The following CPSF7 variants were observed in gnomAD, a reference collection of about 807,000 sequenced individuals.
The protein encoded by CPSF7 is cleavage and polyadenylation specificity factor subunit 7.
In CPSF7, 1 loss-of-function variant was observed where a neutral mutation model predicts 44.3. The ratio of observed to expected loss-of-function variants is 0.02; its 90% confidence interval spans 0.01 to 0.11. The LOEUF is 0.11. Among genes scored for constraint, CPSF7 ranks in the 10% least tolerant of loss-of-function variants. The pLI, the probability that CPSF7 is intolerant of heterozygous loss-of-function variation, is 1.00. For missense variants in CPSF7, 443 were observed against 607.2 expected, an observed-to-expected ratio of 0.73 and a Z score of 2.84; for synonymous variants, 202 against 222.0, an observed-to-expected ratio of 0.91 and a Z score of 0.80.
At chr11:61,405,205 C>CGGG (rs1565096219) in intron 9 of CPSF7, among the ~76,000 whole-genome samples, 2 of 152,174 alleles carry the variant, frequency 1.3e-5, no homozygotes, top group African/African-American at 4.8e-5. Context: ...AATCCCCAAA[C>CGGG]ACCCAAGAGG....
chr11:61,405,680 G>A (rs917567601), intron 9 of CPSF7, among the ~76,000 whole-genome samples: 1 of 152,126 alleles, frequency 6.6e-6, no homozygotes, highest in African/African-American at 2.4e-5. Flanking sequence ...TGCCCAAACT[G>A]GCAACACAGC....
chr11:61,425,483 G>C (rs1861264111), intron 2 of CPSF7, among the ~76,000 whole-genome samples: 1 of 152,128 alleles, frequency 6.6e-6, no homozygotes, highest in South Asian at 2.1e-4. Context: ...TAATGGCACA[G>C]AAAGAACTGT....
intron 7 of CPSF7, among the ~76,000 whole-genome samples, chr11:61,415,169 T>C (rs1164625422): frequency 1.3e-5 from 2 of 152,040 alleles, no homozygotes; most frequent in Non-Finnish European, 2.9e-5. Flanking sequence ...AACCAGGAGG[T>C]GGAGGCTGTA....
chr11:61,421,262 T>C, intron 3 of CPSF7, 128 bp downstream of exon 3: 2 of 1,035,882 alleles, frequency 1.9e-6, no homozygotes, highest in Non-Finnish European at 2.9e-6. Flanking sequence ...TCCAACCTGA[T>C]CCCAGGAAAA....
At chr11:61,419,769 A>G (rs1860688980) in intron 5 of CPSF7, among the ~76,000 whole-genome samples, 180 bp downstream of exon 5, 1 of 152,198 alleles carries the variant, frequency 6.6e-6, no homozygotes, top group Admixed American at 6.5e-5. Context: ...TCTTTCTTCT[A>G]TATAGACCTA....
rs2135434589 is a variant in CPSF7, at chr11:61,429,958, G to GCGCGCGAAC, written c.-109_-101dup. 1 of 1,334,924 alleles carries GCGCGCGAAC rather than the reference G, an allele frequency of 7.5e-7. No homozygotes were observed. The allele number at this position is 1,334,924 out of a possible 1,614,324, so 82.7% of individuals were successfully genotyped here. ...GCGGCGAGTCCGGACTAGGCCCGAA[G>GCGCGCGAAC]CGCGCGAACCGCTCTCCGCCCCAGG... is the stretch of plus-strand genomic sequence containing the variant. On this transcript the variant is annotated 5_prime_UTR_variant, in exon 1 of 10. Coordinates refer to ENST00000439958, the MANE Select transcript of CPSF7 (RefSeq NM_001142565.3).
At chr11:61,419,902 T>A in intron 5 of CPSF7, 47 bp downstream of exon 5, 17 of 1,523,226 alleles carry the variant, frequency 1.1e-5, no homozygotes, top group Non-Finnish European at 1.5e-5. Flanking sequence ...CCCCCCCTCA[T>A]ACAGATGGTC....
At chr11:61,424,220 G>A (rs529715815) in intron 2 of CPSF7, among the ~76,000 whole-genome samples, 1 of 152,280 alleles carries the variant, frequency 6.6e-6, no homozygotes, top group South Asian at 2.1e-4. Flanking sequence ...ATAAAGTAAG[G>A]TGAGGTCAGC....
intron 9 of CPSF7, 31 bp from the exon 10 acceptor site, chr11:61,404,735 A>C (rs1859147660): frequency 6.6e-6 from 1 of 152,260 alleles, no homozygotes; most frequent in South Asian, 2.1e-4. Flanking sequence ...GAAAAGAAAG[A>C]AAACACAAGT....
chr11:61,413,611 G>A (rs958654974), intron 7 of CPSF7, among the ~76,000 whole-genome samples: 4 of 149,038 alleles, frequency 2.7e-5, no homozygotes, highest in African/African-American at 1.0e-4. Flanking sequence ...TCCAGCTTGG[G>A]CAATAGAGCC....
intron 9 of CPSF7, among the ~76,000 whole-genome samples, chr11:61,407,791 C>T (rs988390053): frequency 7.2e-5 from 11 of 152,238 alleles, no homozygotes; most frequent in Admixed American, 2.6e-4. Context: ...GGCCAAAGAA[C>T]AAGACAGAGG....
At chr11:61,420,433 T>C in intron 4 of CPSF7, 37 bp downstream of exon 4, 2 of 1,529,016 alleles carry the variant, frequency 1.3e-6, no homozygotes, top group Non-Finnish European at 1.8e-6. Flanking sequence ...TCCCAATGGT[T>C]ACAAATTAAA....
At chr11:61,412,278 G>C (rs1859919587) in intron 7 of CPSF7, among the ~76,000 whole-genome samples, 1 of 151,520 alleles carries the variant, frequency 6.6e-6, no homozygotes, top group African/African-American at 2.4e-5. Context: ...CAGTGTTTTA[G>C]TGTTTATTTT....
chr11:61,420,021 T>C lies in CPSF7; in HGVS notation c.451A>G (p.Asn151Asp), dbSNP rs199690496. ...GGCCTCACGTCCACTTTTTCTCCAT[T>C]AAGAACTTTCCCTGGTAGGAGTTCC... is the stretch of plus-strand genomic sequence containing the variant. ...LLELLPGKVLNGEKVDVRPAT... is the reference protein window; with the variant it reads ...LLELLPGKVLDGEKVDVRPAT... The change falls in exon 5 of 10, where the codon AAT becomes GAT. Residue 151 changes from asparagine (N) to aspartate (D), a missense_variant. Coordinates refer to ENST00000439958, the MANE Select transcript of CPSF7 (RefSeq NM_001142565.3). 23 of 1,614,172 alleles carry C rather than the reference T, an allele frequency of 1.4e-5. No homozygotes were observed. Among genetic ancestry groups the C allele is most frequent in the Non-Finnish European group, 9.3e-6 (11 of 1,179,980 alleles).
intron 7 of CPSF7, among the ~76,000 whole-genome samples, chr11:61,412,981 G>T (rs1432506006): frequency 1.3e-5 from 2 of 152,138 alleles, no homozygotes; most frequent in Non-Finnish European, 2.9e-5. Flanking sequence ...TTTGAGATGG[G>T]TCTTGTTTTA....
intron 2 of CPSF7, chr11:61,427,169 T>G (rs1404084417): frequency 6.8e-6 from 1 of 146,726 alleles, no homozygotes. Context: ...GAGGCTGAAG[T>G]GGGAGAATCG....
Position 61,415,745 on chromosome 11 carries a change from G to C in CPSF7, c.978C>G (p.Ala326=), listed in dbSNP as rs149166727. 21 of 1,613,970 alleles carry C rather than the reference G, an allele frequency of 1.3e-5. No individual in the cohort carries two copies. The highest frequency in any genetic ancestry group is 1.7e-5 in the Non-Finnish European group (20 of 1,179,964). ...TTCGCTTCATGATATCTTCAAATTCGGCTTCACTCACTGTAGAGGGTGGAG... is the reference window on the plus strand; with the variant it reads ...TTCGCTTCATGATATCTTCAAATTCCGCTTCACTCACTGTAGAGGGTGGAG... ...SGPPPSTVSE[A]EFEDIMKRNR... is the part of the protein sequence containing the mutation. The change falls in exon 7 of 10, where the codon GCC becomes GCG. Residue 326 remains alanine, a synonymous_variant. Transcript: ENST00000439958.
Position 61,410,969 on chromosome 11 carries a change from C to T in CPSF7, c.1363G>A (p.Asp455Asn), listed in dbSNP as rs11557691. Residue 455 changes from aspartate (D) to asparagine (N), a missense_variant, in exon 9 of 10, where the codon GAT (aspartate) becomes AAT (asparagine). Physicochemically the swap from Asp to Asn is conservative, Grantham distance 23 (BLOSUM62 1). Coordinates refer to ENST00000439958, the MANE Select transcript of CPSF7 (RefSeq NM_001142565.3). ...ERNREHERHR[D>N]RERDRHH ...CAGTGGTGCCGGTCCCGTTCTCTAT[C>T]CCGGTGTCTCTCATGCTCCCGGTTC... 6.2e-7 allele frequency: 1 copy of T among 1,613,246 alleles called. No individual in the cohort carries two copies. Among genetic ancestry groups the T allele is most frequent in the Non-Finnish European group, 8.5e-7 (1 of 1,179,844 alleles).
chr11:61,417,187 G>A (rs1860420704), intron 5 of CPSF7, among the ~76,000 whole-genome samples: 1 of 152,158 alleles, frequency 6.6e-6, no homozygotes, highest in Admixed American at 6.6e-5. Context: ...ATAGCACACA[G>A]CTGACAGTAA....
Sources: gnomAD v4.1 joint callset for allele counts (sites outside exome capture counted in the v4.1 genomes callset) on GRCh38, gnomAD v4.1.1 for gene constraint, MANE v1.5 for transcripts, NCBI Gene and HGNC (gene_info 2026-07-23, HGNC 2026-07-21) for gene names.